Variants in GNAI1 observed in about 807,000 individuals in gnomAD.
The protein encoded by GNAI1 is G protein subunit alpha i1.
In GNAI1, 11 loss-of-function variants were observed where a neutral mutation model predicts 38.9. The ratio of observed to expected loss-of-function variants is 0.28; its 90% CI spans 0.18 to 0.47. The LOEUF is 0.47. Ranked by LOEUF, GNAI1 falls within the 20% of genes least tolerant of loss-of-function variation. The probability of loss-of-function intolerance (pLI) is 0.99; values close to 1 mark genes in which losing one functional copy is unlikely to be tolerated. For missense variants in GNAI1, 317 were observed against 436.9 expected, an observed-to-expected ratio of 0.73 and a Z score of 2.45; for synonymous variants, 166 against 145.1, an observed-to-expected ratio of 1.14 and a Z score of -1.04.
chr7:80,155,703 A>AGCACAGTT (rs1787806191), intron 1 of GNAI1, among the ~76,000 whole-genome samples: 1 of 152,040 alleles, frequency 6.6e-6, no homozygotes, highest in Non-Finnish European at 1.5e-5. Context: ...GAGGAATGAT[A>AGCACAGTT]GCACAGTTAC....
intron 5 of GNAI1, among the ~76,000 whole-genome samples, chr7:80,206,362 C>T (rs980064064): frequency 1.3e-5 from 2 of 148,672 alleles, no homozygotes; most frequent in Non-Finnish European, 1.5e-5. Context: ...TTCTTAAAGC[C>T]TTCAGTGGAC....
At chr7:80,140,564 G>T (rs1206757621) in intron 1 of GNAI1, among the ~76,000 whole-genome samples, 1 of 152,144 alleles carries the variant, frequency 6.6e-6, no homozygotes, top group Non-Finnish European at 1.5e-5. Flanking sequence ...CTGGCATGCA[G>T]TTAACCAATG....
intron 1 of GNAI1, among the ~76,000 whole-genome samples, chr7:80,184,738 A>C (rs1788360499): frequency 6.6e-6 from 1 of 152,124 alleles, no homozygotes; most frequent in South Asian, 2.1e-4. Context: ...TGGTCACCTG[A>C]CATTCCTGGT....
intron 1 of GNAI1, among the ~76,000 whole-genome samples, chr7:80,179,672 A>G (rs1220411625): frequency 1.3e-5 from 2 of 152,174 alleles, no homozygotes; most frequent in Admixed American, 6.5e-5. Context: ...CATTTCATAA[A>G]TACTGTGAAA....
At chr7:80,138,292 G>A (rs1787461794) in intron 1 of GNAI1, among the ~76,000 whole-genome samples, 1 of 152,076 alleles carries the variant, frequency 6.6e-6, no homozygotes, top group African/African-American at 2.4e-5. Context: ...AAAGATTTTG[G>A]CACTGTCTAT....
rs115927840 is a variant in GNAI1, at chr7:80,225,916, T to C, written c.*8423T>C. 2.7e-3 allele frequency among the ~76,000 whole-genome samples: 410 copies of C among 152,166 alleles called. 4 individuals are homozygous for C. Among genetic ancestry groups the C allele is most frequent in the African/African-American group, 9.4e-3 (389 of 41,554 alleles). ...ACACACACATCTGTGAGAATGATTA[T>C]TTTCTACTTGATACAGTGTGCATCA... On this transcript the variant is annotated 3_prime_UTR_variant, in exon 8 of 8. Coordinates refer to ENST00000649796, the MANE Select transcript of GNAI1 (RefSeq NM_002069.6).
rs1232037339 is a variant in GNAI1, at chr7:80,199,217, A to C, written c.304-8A>C. The stretch of plus-strand genomic sequence containing the variant: ...TTTTTACTTAAAAAATGTCCTTTGA[A>C]TGTTCAGGATGATGCACGCCAACTC... On this transcript the variant is annotated splice_region_variant and splice_polypyrimidine_tract_variant and intron_variant, in intron 3 of 7. Coordinates refer to ENST00000649796, the MANE Select transcript of GNAI1 (RefSeq NM_002069.6). 1.3e-6 allele frequency: 2 copies of C among 1,581,614 alleles called. No individual in the cohort carries two copies. Among genetic ancestry groups the C allele is most frequent in the Non-Finnish European group, 1.7e-6 (2 of 1,160,002 alleles).
At chr7:80,153,301 T>C (rs905955932) in intron 1 of GNAI1, among the ~76,000 whole-genome samples, 1 of 152,180 alleles carries the variant, frequency 6.6e-6, no homozygotes, top group African/African-American at 2.4e-5. Flanking sequence ...TAATATAGTT[T>C]TACATCCTTG....
At chr7:80,170,382 T>A (rs1220715102) in intron 1 of GNAI1, among the ~76,000 whole-genome samples, 1 of 152,222 alleles carries the variant, frequency 6.6e-6, no homozygotes, top group African/African-American at 2.4e-5. Context: ...TCCATTTCCC[T>A]GATGACTAAT....
Position 80,225,493 on chromosome 7 carries a change from C to G in GNAI1, c.*8000C>G, listed in dbSNP as rs1421226282. Among the ~76,000 whole-genome samples the G allele has an allele frequency of 6.6e-6, 1 of 151,982 alleles. No individual in the cohort carries two copies. Among genetic ancestry groups the G allele is most frequent in the East Asian group, 1.9e-4 (1 of 5,170 alleles). ...GTTTTTTTAATATGTTTCAATTCCC[C>G]TAGCCAAATTCCTTTCTTTCTCCAC... On this transcript the variant is annotated 3_prime_UTR_variant, in exon 8 of 8. Transcript: ENST00000649796.
intron 1 of GNAI1, among the ~76,000 whole-genome samples, chr7:80,147,169 C>G (rs893015872): frequency 6.6e-6 from 1 of 151,976 alleles, no homozygotes; most frequent in African/African-American, 2.4e-5. Context: ...GACTGTTTTC[C>G]TCTGGTAATG....
intron 3 of GNAI1, among the ~76,000 whole-genome samples, chr7:80,196,173 A>G (rs1289595444): frequency 6.6e-6 from 1 of 152,050 alleles, no homozygotes. Flanking sequence ...CTGAGTTCTC[A>G]GAGCACATGA....
chr7:80,149,968 G>A (rs17153496), intron 1 of GNAI1, among the ~76,000 whole-genome samples: 6,715 of 152,196 alleles, frequency 0.044, 243 homozygotes, highest in African/African-American at 0.11. Flanking sequence ...CTAACAAAGT[G>A]GGACCAAACA....
At chr7:80,162,243 C>G (rs537007987) in intron 1 of GNAI1, among the ~76,000 whole-genome samples, 123 of 152,162 alleles carry the variant, frequency 8.1e-4, no homozygotes, top group African/African-American at 2.9e-3. Flanking sequence ...TTCTAGTTTC[C>G]AGAACTATCA....
chr7:80,138,261 T>G (rs1439619709), intron 1 of GNAI1, among the ~76,000 whole-genome samples: 4 of 152,226 alleles, frequency 2.6e-5, no homozygotes, highest in Admixed American at 2.6e-4. Context: ...AATTTAGATA[T>G]GAGACTTGCA....
At chr7:80,199,735 T>A (rs573072726) in intron 4 of GNAI1, among the ~76,000 whole-genome samples, 1 of 152,198 alleles carries the variant, frequency 6.6e-6, no homozygotes, top group East Asian at 1.9e-4. Context: ...TTAATGAGAG[T>A]GTAACTGATT....
At chr7:80,198,620 AC>A (rs1212183090) in intron 3 of GNAI1, among the ~76,000 whole-genome samples, 2 of 152,122 alleles carry the variant, frequency 1.3e-5, no homozygotes, top group Non-Finnish European at 2.9e-5. Context: ...GATTAGCAAA[AC>A]ACCTGCTCCC....
At chr7:80,165,945 A>G (rs1410085288) in intron 1 of GNAI1, among the ~76,000 whole-genome samples, 1 of 152,164 alleles carries the variant, frequency 6.6e-6, no homozygotes, top group Non-Finnish European at 1.5e-5. Flanking sequence ...GTATATTAAT[A>G]TAAAACCTTG....
Position 80,222,233 on chromosome 7 carries a change from A to G in GNAI1, c.*4740A>G, listed in dbSNP as rs1294306662. Among the ~76,000 whole-genome samples the G allele has an allele frequency of 6.6e-6, 1 of 152,130 alleles. No individual in the cohort carries two copies. Among genetic ancestry groups the G allele is most frequent in the Admixed American group, 6.6e-5 (1 of 15,260 alleles). On this transcript the variant is annotated 3_prime_UTR_variant, in exon 8 of 8. Transcript: ENST00000649796. ...CAGAGCTGATTAGGCCTCAACTGGAATAGTCCCACCATGTAATAAATCTTC... is the reference window on the plus strand; with the variant it reads ...CAGAGCTGATTAGGCCTCAACTGGAGTAGTCCCACCATGTAATAAATCTTC...
Sources: gnomAD v4.1 joint callset for allele counts (sites outside exome capture counted in the v4.1 genomes callset) on GRCh38, gnomAD v4.1.1 for gene constraint, MANE v1.5 for transcripts, NCBI Gene and HGNC (gene_info 2026-07-23, HGNC 2026-07-21) for gene names.